The following NOX4 variants were observed in gnomAD, a reference collection of about 807,000 sequenced individuals.
The protein encoded by NOX4 is kidney oxidase-1.
A neutral mutation model predicts 87.6 loss-of-function variants in NOX4; 69 were observed. The observed-to-expected ratio is 0.79, with a 90% CI of 0.65 to 0.96. The LOEUF (loss-of-function observed/expected upper bound fraction) is 0.96, where lower values mean the gene tolerates loss of function less well. Ranked by LOEUF, NOX4 falls within the 40% of genes least tolerant of loss-of-function variation. NOX4 has a pLI of 0.00. For synonymous variants in NOX4, 275 were observed against 238.2 expected, an observed-to-expected ratio of 1.15 and a Z score of -1.42; for missense variants, 680 against 681.5, an observed-to-expected ratio of 1.00 and a Z score of 0.02.
intron 8 of NOX4, among the ~76,000 whole-genome samples, chr11:89,409,609 A>G (rs1779913422): frequency 6.6e-6 from 1 of 152,160 alleles, no homozygotes; most frequent in South Asian, 2.1e-4. Context: ...ATGTGAATAA[A>G]CCATAAGATC....
At chr11:89,587,381 T>C in the NOX4 span, among the ~76,000 whole-genome samples, 1 of 152,170 alleles carries the variant, frequency 6.6e-6, no homozygotes, top group Non-Finnish European at 1.5e-5. Flanking sequence ...GAGTTTCAGA[T>C]AGTCCAGGGA....
chr11:89,375,767 G>A (rs1242414476), intron 11 of NOX4, among the ~76,000 whole-genome samples: 3 of 152,170 alleles, frequency 2.0e-5, no homozygotes, highest in Non-Finnish European at 4.4e-5. Flanking sequence ...CAGAACGCAA[G>A]ATACCCAACA....
chr11:89,388,462 A>G (rs1339558327), intron 11 of NOX4, among the ~76,000 whole-genome samples: 3 of 152,172 alleles, frequency 2.0e-5, no homozygotes, highest in African/African-American at 7.2e-5. Flanking sequence ...TCAAGACAGG[A>G]CACTATAAGC....
intron 7 of NOX4, among the ~76,000 whole-genome samples, chr11:89,425,121 G>A (rs1591196379): frequency 6.6e-6 from 1 of 151,976 alleles, no homozygotes; most frequent in East Asian, 1.9e-4. Flanking sequence ...AAGTATGTCA[G>A]ATGCTCTAAT....
chr11:89,352,572 A>C (rs1198692622), intron 13 of NOX4, among the ~76,000 whole-genome samples: 1 of 152,206 alleles, frequency 6.6e-6, no homozygotes. Context: ...AGGAAGTCAT[A>C]ATATCAACAT....
chr11:89,432,989 T>A lies in NOX4; in HGVS notation c.476-133A>T, dbSNP rs990938879. The A allele has an allele frequency of 7.9e-6, 5 of 630,380 alleles. No homozygotes were observed. In the African/African-American group the frequency reaches 9.2e-5, roughly 12 times the overall value. 39.0% of individuals were successfully genotyped at this position (630,380 alleles called of 1,614,324 possible). A position where few individuals can be genotyped will look rare whatever the true frequency, so the allele number is the denominator to read the frequency against. ...AATTCAAATCCCACATCTACATGTA[T>A]GTTCTCCCTCAAACAAGCCCTTTAC... On this transcript the variant is annotated intron_variant, in intron 6 of 17. Coordinates refer to ENST00000263317, the MANE Select transcript of NOX4 (RefSeq NM_016931.5).
chr11:89,458,084 A>C (rs1449324115), intron 2 of NOX4, among the ~76,000 whole-genome samples: 1 of 152,226 alleles, frequency 6.6e-6, no homozygotes, highest in Non-Finnish European at 1.5e-5. Context: ...GAACCAAAAA[A>C]GAACCCAAAT....
chr11:89,528,727 T>C, the NOX4 span, among the ~76,000 whole-genome samples: 1 of 152,146 alleles, frequency 6.6e-6, no homozygotes, highest in Non-Finnish European at 1.5e-5. Flanking sequence ...GAACTGTGAG[T>C]CAATTAAATT....
chr11:89,442,659 T>G (rs1383623529), intron 5 of NOX4, among the ~76,000 whole-genome samples: 1 of 152,150 alleles, frequency 6.6e-6, no homozygotes, highest in Non-Finnish European at 1.5e-5. Context: ...AACTGTGGCT[T>G]GTTTTGGAGG....
chr11:89,486,270 T>A (rs919934624), intron 2 of NOX4, among the ~76,000 whole-genome samples: 2 of 148,864 alleles, frequency 1.3e-5, no homozygotes, highest in Admixed American at 1.3e-4. Context: ...TATTTATTTA[T>A]TTAAATAAAT....
At chr11:89,559,063 C>A in the NOX4 span, among the ~76,000 whole-genome samples, 1 of 151,998 alleles carries the variant, frequency 6.6e-6, no homozygotes, top group Non-Finnish European at 1.5e-5. Context: ...TTTTGATTTT[C>A]CATTTGATCC....
intron 5 of NOX4, among the ~76,000 whole-genome samples, chr11:89,442,167 G>A (rs139419720): frequency 6.2e-4 from 94 of 151,234 alleles, no homozygotes; most frequent in African/African-American, 2.2e-3. Context: ...AGAGAGACAT[G>A]AAAGAAGGAA....
chr11:89,522,594 C>T, the NOX4 span, among the ~76,000 whole-genome samples: 2 of 152,096 alleles, frequency 1.3e-5, no homozygotes, highest in African/African-American at 4.8e-5. Flanking sequence ...CAACATCATA[C>T]AATACACCCT....
intron 8 of NOX4, among the ~76,000 whole-genome samples, chr11:89,414,223 A>AT (rs2135236708): frequency 6.6e-6 from 1 of 152,190 alleles, no homozygotes; most frequent in Non-Finnish European, 1.5e-5. Context: ...GTGGGATAGC[A>AT]AAACTATGGT....
chr11:89,402,216 A>G lies in NOX4; in HGVS notation c.846+110T>C, dbSNP rs1941898600. The G allele has an allele frequency of 1.1e-5, 9 of 805,152 alleles. No homozygotes were observed. In the Admixed American group the frequency reaches 2.0e-4, roughly 18 times the overall value. The allele number at this position is 805,152 out of a possible 1,614,324, so 49.9% of individuals were successfully genotyped here. ...ACTAACTTACTGTTGAAACATCCTG[A>G]AATATCCTATTATGCATGAATATAT... On this transcript the variant is annotated intron_variant, in intron 9 of 17. Coordinates refer to ENST00000263317, the MANE Select transcript of NOX4 (RefSeq NM_016931.5).
chr11:89,430,878 A>G (rs1415989152), intron 7 of NOX4, among the ~76,000 whole-genome samples: 1 of 152,178 alleles, frequency 6.6e-6, no homozygotes, highest in Non-Finnish European at 1.5e-5. Context: ...TGGAACCAAA[A>G]AAGAGCCTGC....
chr11:89,577,490 G>C, the NOX4 span: 1 of 152,074 alleles, frequency 6.6e-6, no homozygotes, highest in African/African-American at 2.4e-5. Context: ...TATGAATCAG[G>C]AACTTTACAA....
At chr11:89,438,410 T>C (rs1186621611) in intron 6 of NOX4, among the ~76,000 whole-genome samples, 1 of 111,392 alleles carries the variant, frequency 9.0e-6, no homozygotes, top group African/African-American at 3.7e-5. Context: ...AAATAATATA[T>C]AATATATAAT....
chr11:89,364,230 G>A (rs534729036), intron 12 of NOX4, among the ~76,000 whole-genome samples: 1 of 152,156 alleles, frequency 6.6e-6, no homozygotes, highest in African/African-American at 2.4e-5. Flanking sequence ...CTAGGTGACA[G>A]AGTGAGACCC....
Sources: gnomAD v4.1 joint callset for allele counts (sites outside exome capture counted in the v4.1 genomes callset) on GRCh38, gnomAD v4.1.1 for gene constraint, MANE v1.5 for transcripts, NCBI Gene and HGNC (gene_info 2026-07-23, HGNC 2026-07-21) for gene names.